HEATR1: variants seen among roughly 807,000 people sequenced by gnomAD.
HEATR1 encodes HEAT repeat containing 1.
In HEATR1, 77 loss-of-function variants were observed where a neutral mutation model predicts 248.2. That is an observed-to-expected ratio of 0.31 (90% confidence interval 0.26 to 0.37). HEATR1 has a LOEUF of 0.37. HEATR1 is among the 10% of genes least tolerant of loss of function. HEATR1 has a pLI of 1.00. For synonymous variants in HEATR1, 897 were observed against 923.1 expected, an observed-to-expected ratio of 0.97 and a Z score of 0.51; for missense variants, 2,420 against 2,504.9, an observed-to-expected ratio of 0.97 and a Z score of 0.72.
Position 236,557,323 on chromosome 1 carries a change from T to C in HEATR1, c.5227A>G (p.Thr1743Ala), listed in dbSNP as rs914931018. 14 of 1,613,982 alleles carry C rather than the reference T, an allele frequency of 8.7e-6. No individual in the cohort carries two copies. Among genetic ancestry groups the C allele is most frequent in the Non-Finnish European group, 1.2e-5 (14 of 1,179,996 alleles). The part of the protein sequence containing the change: ...LPSLMPSLLT[T>A]MKNTSELVSS... Reference sequence around the variant, plus strand: ...ACCAGCTCGCTGGTGTTCTTCATTGTTGTCAGCAACGATGGCATCAGGCTA... The same window carrying C: ...ACCAGCTCGCTGGTGTTCTTCATTGCTGTCAGCAACGATGGCATCAGGCTA... Residue 1743 changes from threonine (T) to alanine (A), a missense_variant, in exon 37 of 45, where the codon ACA becomes GCA. By Grantham distance (58) the Thr-to-Ala change is moderately conservative (BLOSUM62 0). Transcript: ENST00000366582.
intron 12 of HEATR1, among the ~76,000 whole-genome samples, chr1:236,590,045 T>C (rs948483557): frequency 5.9e-5 from 9 of 152,234 alleles, no homozygotes; most frequent in Admixed American, 1.3e-4. Flanking sequence ...CAATGCCTTT[T>C]GGTATAAATG....
chr1:236,559,109 T>C lies in HEATR1; in HGVS notation c.4797A>G (p.Thr1599=), dbSNP rs146348766. 4.2e-5 allele frequency: 67 copies of C among 1,606,780 alleles called. 1 individual carries two copies. The African/African-American group carries it at 8.2e-4, about 20-fold the overall frequency. The part of the protein sequence containing the change: ...DKVNALLPTE[T]FIPVIRGLVG... ...CCAGCCCTCTGATCACAGGAATGAA[T>C]GTCTCTGTGGGCAGCAAGGCATTGA... Residue 1599 remains threonine (T), a synonymous_variant, in exon 35 of 45, where the codon ACA becomes ACG. Coordinates refer to ENST00000366582, the MANE Select transcript of HEATR1 (RefSeq NM_018072.6).
chr1:236,585,116 G>T lies in HEATR1; in HGVS notation c.2150C>A (p.Ser717Tyr), dbSNP rs756526983. Residue 717 changes from serine to tyrosine, a missense_variant, in exon 17 of 45, where the codon TCT becomes TAT. Coordinates refer to ENST00000366582, the MANE Select transcript of HEATR1 (RefSeq NM_018072.6). The stretch of plus-strand genomic sequence containing the variant: ...AAATGGAAAGTGGGTTTCTTTTAAA[G>T]ATGAACAACAAGAGACGAGCACAGA... ...ILSVLVSCCS[S>Y]LKETHFPFAI... The T allele has an allele frequency of 2.5e-6, 4 of 1,613,982 alleles. No individual in the cohort carries two copies. Among genetic ancestry groups the T allele is most frequent in the Non-Finnish European group, 3.4e-6 (4 of 1,179,920 alleles).
chr1:236,601,693 T>C (rs563690709), intron 3 of HEATR1, among the ~76,000 whole-genome samples: 1 of 150,818 alleles, frequency 6.6e-6, no homozygotes, highest in Admixed American at 6.6e-5. Context: ...AAAAACTAGG[T>C]GGGCATGGTG....
Position 236,570,345 on chromosome 1 carries a change from G to A in HEATR1, c.3948+1006C>T, listed in dbSNP as rs114251448. On this transcript the variant is annotated intron_variant, in intron 28 of 44. Transcript: ENST00000366582. ...TGCTAAGCAAAAGAAACCAGACACA[G>A]AGGGCCACATATTGTATGACTCAAT... Among the ~76,000 whole-genome samples, 300 of 152,286 alleles carry A rather than the reference G, an allele frequency of 2.0e-3. 2 individuals are homozygous for A. Among genetic ancestry groups the A allele is most frequent in the African/African-American group, 6.9e-3 (286 of 41,566 alleles).
At chr1:236,557,166 C>T (rs375419858) in intron 37 of HEATR1, 29 bp downstream of exon 37, 59 of 1,609,932 alleles carry the variant, frequency 3.7e-5, no homozygotes, top group African/African-American at 3.3e-4. Flanking sequence ...AGCCACCCTG[C>T]GTAGCATGTC....
chr1:236,603,391 A>G lies in HEATR1; in HGVS notation c.143-15T>C. On this transcript the variant is annotated splice_polypyrimidine_tract_variant and intron_variant, in intron 2 of 44. Coordinates refer to ENST00000366582, the MANE Select transcript of HEATR1 (RefSeq NM_018072.6). ...GCCAGTACATCCTAAATTTCAAAAAAGGCCAGTTTATTTAACAATTCTTCG... is the reference window on the plus strand; with the variant it reads ...GCCAGTACATCCTAAATTTCAAAAAGGGCCAGTTTATTTAACAATTCTTCG... 1 of 1,605,700 alleles carries G rather than the reference A, an allele frequency of 6.2e-7. No homozygotes were observed. The highest frequency in any genetic ancestry group is 1.1e-5 in the South Asian group (1 of 90,922).
intron 9 of HEATR1, among the ~76,000 whole-genome samples, chr1:236,593,227 T>C (rs1188723775): frequency 3.4e-5 from 5 of 147,880 alleles, no homozygotes; most frequent in Admixed American, 1.3e-4. Flanking sequence ...GAAACTAGAG[T>C]GTAAGTCTTC....
At chr1:236,579,359 T>C (rs1242273850) in intron 20 of HEATR1, among the ~76,000 whole-genome samples, 1 of 152,266 alleles carries the variant, frequency 6.6e-6, no homozygotes, top group Non-Finnish European at 1.5e-5. Flanking sequence ...TTCTTCCATC[T>C]TGCTATTTAC....
rs773502970 is a variant in HEATR1, at chr1:236,585,879, T to A, written c.1990A>T (p.Met664Leu). 6.2e-7 allele frequency: 1 copy of A among 1,612,656 alleles called. No individual in the cohort carries two copies. ...ATATTATCAGCCAACAACTCAATCATCTTCTGATTTGCTACACCGATTAGT... is the reference window on the plus strand; with the variant it reads ...ATATTATCAGCCAACAACTCAATCAACTTCTGATTTGCTACACCGATTAGT... Reference protein sequence around the residue: ...GKLIGVANQKMIELLADNINL... With the variant: ...GKLIGVANQKLIELLADNINL... The change falls in exon 16 of 45, where the codon ATG becomes TTG. Residue 664 changes from methionine (M) to leucine (L), a missense_variant. Transcript: ENST00000366582.
chr1:236,562,419 T>C (rs1198679919), intron 32 of HEATR1, among the ~76,000 whole-genome samples: 11 of 152,220 alleles, frequency 7.2e-5, no homozygotes, highest in Admixed American at 6.5e-4. Context: ...TAAAGTTGTC[T>C]TTTCTACAAG....
chr1:236,590,986 T>G, intron 11 of HEATR1, 32 bp from the exon 12 acceptor site: 1 of 1,120,388 alleles, frequency 8.9e-7, no homozygotes, highest in Non-Finnish European at 1.2e-6. Context: ...TCAAATGATT[T>G]CACTTAATCT....
Position 236,604,122 on chromosome 1 carries a change from C to G in HEATR1, c.-27G>C, listed in dbSNP as rs1558195390. The G allele has an allele frequency of 5.2e-6, 8 of 1,541,290 alleles. No homozygotes were observed. The South Asian group carries it at 9.9e-5, about 19-fold the overall frequency. On this transcript the variant is annotated 5_prime_UTR_variant, in exon 2 of 45. Coordinates refer to ENST00000366582, the MANE Select transcript of HEATR1 (RefSeq NM_018072.6). The stretch of plus-strand genomic sequence containing the variant: ...TTTCACGCCAGCGGAGTTTTAATGA[C>G]ACGGGCTAAAAAAACGTAAGCACTT...
chr1:236,593,511 T>C (rs900382397), intron 9 of HEATR1, among the ~76,000 whole-genome samples: 8 of 145,298 alleles, frequency 5.5e-5, no homozygotes, highest in East Asian at 2.0e-4. Flanking sequence ...CTGGAAGTGG[T>C]AGGCGCAGAA....
At chr1:236,583,253 A>G in intron 17 of HEATR1, 57 bp from the exon 18 acceptor site, 1 of 1,432,654 alleles carries the variant, frequency 7.0e-7, no homozygotes, top group African/African-American at 1.4e-5. Flanking sequence ...AACATGGGTT[A>G]TATGAATTCC....
At chr1:236,575,313 C>G (rs1391915430) in intron 22 of HEATR1, among the ~76,000 whole-genome samples, 1 of 152,110 alleles carries the variant, frequency 6.6e-6, no homozygotes, top group Non-Finnish European at 1.5e-5. Context: ...AACTGCTAAA[C>G]TAGGGGCCAG....
chr1:236,570,392 G>A (rs1381731861), intron 28 of HEATR1, among the ~76,000 whole-genome samples: 1 of 152,166 alleles, frequency 6.6e-6, no homozygotes, highest in East Asian at 1.9e-4. Flanking sequence ...GTCCAGCATA[G>A]GCAGATTGAG....
In HEATR1 at chr1:236,555,545, C is replaced by G. The variant is rs143770634; in HGVS notation, c.5754+6G>C. 1,646 of 1,614,028 alleles carry G rather than the reference C, an allele frequency of 1.0e-3. 21 individuals are homozygous for G. In the African/African-American group the frequency reaches 0.02, roughly 19 times the overall value. On this transcript the variant is annotated splice_donor_region_variant and intron_variant, in intron 40 of 44. Coordinates refer to ENST00000366582, the MANE Select transcript of HEATR1 (RefSeq NM_018072.6). ...ACAAAAGAGAGGAAGAGGAAGAAAG[C>G]GTCACCTTGAAGAACAGGGGCCTGA... is the stretch of plus-strand genomic sequence containing the variant.
Position 236,571,333 on chromosome 1 carries a change from TATATC to T in HEATR1, c.3948+13_3948+17del, listed in dbSNP as rs777936439. The T allele has an allele frequency of 1.3e-6, 2 of 1,572,698 alleles. No individual in the cohort carries two copies. The highest frequency in any genetic ancestry group is 2.4e-5 in the South Asian group (2 of 84,694). ...ATATCTGAAATATCTGCTAAAATCT[TATATC>T]ATTAACGCTTACCGGAAATATTCCA... On this transcript the variant is annotated intron_variant, in intron 28 of 44. Coordinates refer to ENST00000366582, the MANE Select transcript of HEATR1 (RefSeq NM_018072.6).
Sources: gnomAD v4.1 joint callset for allele counts (sites outside exome capture counted in the v4.1 genomes callset) on GRCh38, gnomAD v4.1.1 for gene constraint, MANE v1.5 for transcripts, NCBI Gene and HGNC (gene_info 2026-07-23, HGNC 2026-07-21) for gene names.